Variants in CREB1 observed in about 807,000 individuals in gnomAD.
The protein encoded by CREB1 is cAMP responsive element binding protein 1, also known as cyclic AMP-responsive element-binding protein 1.
CREB1 carries 2 observed loss-of-function variants against 42.0 expected under a neutral mutation model. That is an observed-to-expected ratio of 0.05 (90% CI 0.02 to 0.15). The LOEUF is 0.15. Ranked by LOEUF, CREB1 falls within the 10% of genes least tolerant of loss-of-function variation. CREB1 has a pLI of 1.00. For missense variants in CREB1, 199 were observed against 388.9 expected (o/e 0.51, Z 4.11); for synonymous variants, 123 against 139.9 (o/e 0.88, Z 0.85).
intron 1 of CREB1, among the ~76,000 whole-genome samples, chr2:207,545,184 A>C (rs2081254794): frequency 6.6e-6 from 1 of 152,168 alleles, no homozygotes; most frequent in Non-Finnish European, 1.5e-5. Flanking sequence ...ACAATGTAGA[A>C]GCATTCCAGA....
At chr2:207,541,219 CAA>C (rs921400008) in intron 1 of CREB1, among the ~76,000 whole-genome samples, 1 of 140,264 alleles carries the variant, frequency 7.1e-6, no homozygotes, top group African/African-American at 2.6e-5. Context: ...GACTCCATCT[CAA>C]AAAAAAAAAA....
In CREB1 at chr2:207,600,973, A is replaced by G. The variant is rs1345609763; in HGVS notation, c.*3915A>G. On this transcript the variant is annotated 3_prime_UTR_variant, in exon 8 of 8. Coordinates refer to ENST00000353267, the MANE Select transcript of CREB1 (RefSeq NM_004379.5). The stretch of plus-strand genomic sequence containing the variant: ...ATTCTATGATCAGCCACAGTCAGCT[A>G]TTACCATAAATTGGTCTCTGTTTAT... The G allele has an allele frequency of 7.7e-6, 1 of 129,696 alleles. No individual in the cohort carries two copies. Among genetic ancestry groups the G allele is most frequent in the Non-Finnish European group, 1.4e-5 (1 of 69,064 alleles). The allele number at this position is 129,696 out of a possible 1,614,324, so 8.0% of individuals were successfully genotyped here.
intron 1 of CREB1, chr2:207,534,814 A>C (rs184652676): frequency 1.3e-5 from 2 of 152,316 alleles, no homozygotes; most frequent in African/African-American, 4.8e-5. Context: ...AAGTGTTAGC[A>C]ATTTTTTATT....
At chr2:207,550,591 C>T (rs933034736) in intron 1 of CREB1, 1 of 151,894 alleles carries the variant, frequency 6.6e-6, no homozygotes, top group African/African-American at 2.4e-5. Flanking sequence ...TATTTTAAGG[C>T]GAAAGTATGT....
In CREB1 at chr2:207,597,049, A is replaced by G; in HGVS notation, c.975A>G (p.Lys325=). 1.3e-6 allele frequency: 2 copies of G among 1,597,574 alleles called. No individual in the cohort carries two copies. The highest frequency in any genetic ancestry group is 1.7e-6 in the Non-Finnish European group (2 of 1,175,378). ...LKALKDLYCH[K]SD ...CACTTAAGGACCTTTACTGCCACAAATCAGATTAATTTGGGATTTAAATTT... is the reference window on the plus strand; with the variant it reads ...CACTTAAGGACCTTTACTGCCACAAGTCAGATTAATTTGGGATTTAAATTT... Residue 325 remains lysine (K), a synonymous_variant, in exon 8 of 8, where the codon AAA becomes AAG. Coordinates refer to ENST00000353267, the MANE Select transcript of CREB1 (RefSeq NM_004379.5).
chr2:207,540,930 T>C (rs1574770491), intron 1 of CREB1, among the ~76,000 whole-genome samples: 1 of 152,152 alleles, frequency 6.6e-6, no homozygotes. Flanking sequence ...ATAAATTTAG[T>C]GTAGCCTGGA....
intron 3 of CREB1, among the ~76,000 whole-genome samples, chr2:207,561,529 A>C (rs1308697974): frequency 6.6e-6 from 1 of 152,168 alleles, no homozygotes; most frequent in African/African-American, 2.4e-5. Context: ...CCGGGTAAAC[A>C]CAGGTTCTAT....
At chr2:207,557,607 G>A (rs568724526) in intron 2 of CREB1, among the ~76,000 whole-genome samples, 87 of 152,080 alleles carry the variant, frequency 5.7e-4, no homozygotes, top group Non-Finnish European at 1.0e-3. Context: ...TCATGAACCC[G>A]AGACCGCACC....
At chr2:207,563,111 C>T (rs752684771) in intron 3 of CREB1, among the ~76,000 whole-genome samples, 1 of 152,002 alleles carries the variant, frequency 6.6e-6, no homozygotes, top group Admixed American at 6.6e-5. Flanking sequence ...GTAATGTGCT[C>T]AGGGAACACA....
rs924331502 is a variant in CREB1 at position 207,597,153 on chromosome 2, C to A, written c.*95C>A. 1.4e-5 allele frequency: 19 copies of A among 1,376,058 alleles called. No homozygotes were observed. The highest frequency in any genetic ancestry group is 1.7e-5 in the Non-Finnish European group (18 of 1,034,056). The allele number at this position is 1,376,058 out of a possible 1,614,324, so 85.2% of individuals were successfully genotyped here. On this transcript the variant is annotated 3_prime_UTR_variant, in exon 8 of 8. Transcript: ENST00000353267. ...TAAACATTTTATTTTCTAAACATTT[C>A]TTTTTTTCTATGCGCAAAACTGCCT...
At chr2:207,560,535 A>G (rs1033753283) in intron 3 of CREB1, among the ~76,000 whole-genome samples, 163 bp downstream of exon 3, 3 of 152,244 alleles carry the variant, frequency 2.0e-5, no homozygotes, top group African/African-American at 7.2e-5. Context: ...GTATAGGAAC[A>G]TATATACAGA....
intron 1 of CREB1, among the ~76,000 whole-genome samples, chr2:207,553,820 A>G (rs992673215): frequency 3.3e-5 from 5 of 152,232 alleles, no homozygotes; most frequent in African/African-American, 1.2e-4. Flanking sequence ...CAGTTCTACA[A>G]AATTCTGTTT....
Position 207,551,812 on chromosome 2 carries a change from G to A in CREB1, c.-8-3816G>A, listed in dbSNP as rs1409933094. 2.0e-5 allele frequency among the ~76,000 whole-genome samples: 3 copies of A among 152,002 alleles called. No homozygotes were observed. The East Asian group carries it at 5.8e-4, about 29-fold the overall frequency. ...CAATCCCAGCACTTTGGGAGGCTGA[G>A]GTGGGCGGATCAGGAGGTCAGGAGA... On this transcript the variant is annotated intron_variant, in intron 1 of 7. Coordinates refer to ENST00000353267, the MANE Select transcript of CREB1 (RefSeq NM_004379.5).
rs2087714224 is a variant in CREB1 at position 207,604,468 on chromosome 2, T to G, written c.*7410T>G. On this transcript the variant is annotated 3_prime_UTR_variant, in exon 8 of 8. Coordinates refer to ENST00000353267, the MANE Select transcript of CREB1 (RefSeq NM_004379.5). ...AATCAGTGTTATCCTTCTTCTTAAC[T>G]GTGCGTCCTAATTTCTCCACATCTT... 8.6e-6 allele frequency among the ~76,000 whole-genome samples: 1 copy of G among 115,648 alleles called. No individual in the cohort carries two copies. The highest frequency in any genetic ancestry group is 1.8e-5 in the Non-Finnish European group (1 of 56,550). 75.9% of individuals were successfully genotyped at this position (115,648 alleles called of 152,430 possible).
Position 207,570,161 on chromosome 2 carries a change from A to G in CREB1, c.363-18A>G. The G allele has an allele frequency of 1.3e-6, 2 of 1,571,778 alleles. No individual in the cohort carries two copies. The highest frequency in any genetic ancestry group is 1.7e-6 in the Non-Finnish European group (2 of 1,154,884). ...TTGTACTTATATTTTTAATTATTCT[A>G]GTTTTCTAATTTTGTAGGAAAATTT... On this transcript the variant is annotated intron_variant, in intron 4 of 7. Transcript: ENST00000353267.
intron 1 of CREB1, among the ~76,000 whole-genome samples, chr2:207,542,270 A>T (rs1173434244): frequency 6.6e-6 from 1 of 151,976 alleles, no homozygotes; most frequent in African/African-American, 2.4e-5. Context: ...TAGGGTTCAA[A>T]TTTTCCCCCA....
chr2:207,577,810 A>G (rs2082654235), intron 7 of CREB1, 155 bp downstream of exon 7: 2 of 841,576 alleles, frequency 2.4e-6, no homozygotes, highest in Non-Finnish European at 3.8e-6. Context: ...TCTTTATTTA[A>G]TAAGCTGCAC....
rs1034595367 is a variant in CREB1 at position 207,559,209 on chromosome 2, T to C, written c.115-1017T>C. 3.6e-5 allele frequency: 23 copies of C among 635,492 alleles called. No individual in the cohort carries two copies. The African/African-American group carries it at 4.6e-4, about 13-fold the overall frequency. The allele number at this position is 635,492 out of a possible 1,614,324, so 39.4% of individuals were successfully genotyped here. A position where few individuals can be genotyped will look rare whatever the true frequency, so the allele number is the denominator to read the frequency against. The stretch of plus-strand genomic sequence containing the variant: ...TGCCATGTGTGCTGTTTCTCTTTGC[T>C]TTTGCCACTACTCCACTCTGTGCTT... On this transcript the variant is annotated intron_variant, in intron 2 of 7. Coordinates refer to ENST00000353267, the MANE Select transcript of CREB1 (RefSeq NM_004379.5).
At position 207,556,383 on chromosome 2, in the gene CREB1, T is replaced by C. The variant is rs1205458737; in HGVS notation, c.114+634T>C. On this transcript the variant is annotated intron_variant, in intron 2 of 7. Transcript: ENST00000353267. ...ATAGGAATGAGAAAGGTGGTTAACTTAAAAAACAAATAGCAGATACAGACC... is the reference window on the plus strand; with the variant it reads ...ATAGGAATGAGAAAGGTGGTTAACTCAAAAAACAAATAGCAGATACAGACC... Among the ~76,000 whole-genome samples the C allele has an allele frequency of 2.6e-5, 4 of 152,178 alleles. 1 individual carries two copies. Among genetic ancestry groups the C allele is most frequent in the Non-Finnish European group, 5.9e-5 (4 of 68,038 alleles).
Sources: gnomAD v4.1 joint callset for allele counts (sites outside exome capture counted in the v4.1 genomes callset) on GRCh38, gnomAD v4.1.1 for gene constraint, MANE v1.5 for transcripts, NCBI Gene and HGNC (gene_info 2026-07-23, HGNC 2026-07-21) for gene names.